TMED5: variants seen among roughly 807,000 people sequenced by gnomAD.
The protein encoded by TMED5 is transmembrane emp24 domain-containing protein 5.
TMED5 carries 27 observed loss-of-function variants against 23.0 expected under a neutral mutation model. The ratio of observed to expected loss-of-function variants is 1.17; its 90% CI spans 0.86 to 1.62. TMED5 has a LOEUF of 1.62. Ranked by LOEUF, TMED5 falls within the 40% of genes most tolerant of loss-of-function variation. TMED5 has a pLI of 0.00. For missense variants in TMED5, 248 were observed against 273.7 expected, an observed-to-expected ratio of 0.91 and a Z score of 0.66; for synonymous variants, 97 against 100.8, an observed-to-expected ratio of 0.96 and a Z score of 0.23.
At chr1:93,178,769 T>G (rs1002430777) in intron 1 of TMED5, among the ~76,000 whole-genome samples, 2 of 152,230 alleles carry the variant, frequency 1.3e-5, no homozygotes, top group Non-Finnish European at 2.9e-5. Context: ...AACTTAATCC[T>G]AAAGTTCCAT....
In TMED5 at chr1:93,158,577, G is replaced by T. The variant is rs1032521522; in HGVS notation, c.287+1552C>A. ...ACTTAAAAGATGAACTACATTTTTA[G>T]TTTTGTTTTTTTTTTTGAGATGGAG... is the stretch of plus-strand genomic sequence containing the variant. On this transcript the variant is annotated intron_variant, in intron 2 of 3. Coordinates refer to ENST00000370282, the MANE Select transcript of TMED5 (RefSeq NM_016040.5). 5.6e-5 allele frequency among the ~76,000 whole-genome samples: 8 copies of T among 143,562 alleles called. No homozygotes were observed. In the South Asian group the frequency reaches 1.6e-3, roughly 28 times the overall value. 94.2% of individuals were successfully genotyped at this position (143,562 alleles called of 152,430 possible).
chr1:93,154,722 T>TG lies in TMED5; in HGVS notation c.637dup (p.Gln213ProfsTer10), dbSNP rs1412613806. 6.2e-7 allele frequency: 1 copy of TG among 1,613,934 alleles called. No homozygotes were observed. Among genetic ancestry groups the TG allele is most frequent in the African/African-American group, 1.3e-5 (1 of 74,926 alleles). The stretch of plus-strand genomic sequence containing the variant: ...AAACAGACTCTTCAGCATATAAACT[T>TG]GAATGGCTGACACCACCACCATGAC... On this transcript the variant is annotated frameshift_variant, in exon 4 of 4. Coordinates refer to ENST00000370282, the MANE Select transcript of TMED5 (RefSeq NM_016040.5). LOFTEE classifies it high-confidence loss of function.
At chr1:93,156,253 G>A (rs577543145) in intron 3 of TMED5, 47 bp downstream of exon 3, 1 of 1,506,466 alleles carries the variant, frequency 6.6e-7, no homozygotes, top group East Asian at 2.3e-5. Context: ...CCATAGTAAG[G>A]CCTCTGGCTG....
In TMED5 at chr1:93,172,674, G is replaced by A. The variant is rs184669255; in HGVS notation, c.189+7380C>T. The stretch of plus-strand genomic sequence containing the variant: ...GTTGGTGGGAATGTAAATTAGTACA[G>A]CCCTATGGAAAACAATATGGTGGTT... On this transcript the variant is annotated intron_variant, in intron 1 of 3. Coordinates refer to ENST00000370282, the MANE Select transcript of TMED5 (RefSeq NM_016040.5). Among the ~76,000 whole-genome samples the A allele has an allele frequency of 4.6e-5, 7 of 152,126 alleles. No individual in the cohort carries two copies. The East Asian group carries it at 1.4e-3, about 29-fold the overall frequency.
intron 1 of TMED5, among the ~76,000 whole-genome samples, chr1:93,171,025 A>G (rs1180907811): frequency 6.6e-6 from 1 of 152,166 alleles, no homozygotes; most frequent in Non-Finnish European, 1.5e-5. Context: ...CCCCTTGTAC[A>G]CTGTGGAAGC....
rs1027810107 is a variant in TMED5 at position 93,149,915 on chromosome 1, T to C, written c.*4755A>G. 2.0e-5 allele frequency: 3 copies of C among 152,120 alleles called. No homozygotes were observed. Among genetic ancestry groups the C allele is most frequent in the Non-Finnish European group, 4.4e-5 (3 of 68,014 alleles). The allele number at this position is 152,120 out of a possible 1,614,324, so 9.4% of individuals were successfully genotyped here. A position where few individuals can be genotyped will look rare whatever the true frequency, so the allele number is the denominator to read the frequency against. Reference sequence around the variant, plus strand: ...GCCTGTAATCTCAGCACTTGGGAAGTTGAGGCGGGCACATCACTTGAGCTT... The same window carrying C: ...GCCTGTAATCTCAGCACTTGGGAAGCTGAGGCGGGCACATCACTTGAGCTT... On this transcript the variant is annotated 3_prime_UTR_variant, in exon 4 of 4. Transcript: ENST00000370282.
At position 93,154,538 on chromosome 1, in the gene TMED5, A is replaced by T. The variant is rs1647985400; in HGVS notation, c.*132T>A. The T allele has an allele frequency of 3.1e-6, 2 of 644,886 alleles. No individual in the cohort carries two copies. The highest frequency in any genetic ancestry group is 1.8e-5 in the African/African-American group (1 of 54,642). 39.9% of individuals were successfully genotyped at this position (644,886 alleles called of 1,614,324 possible). A position where few individuals can be genotyped will look rare whatever the true frequency, so the allele number is the denominator to read the frequency against. On this transcript the variant is annotated 3_prime_UTR_variant, in exon 4 of 4. Coordinates refer to ENST00000370282, the MANE Select transcript of TMED5 (RefSeq NM_016040.5). ...CAGAAAGTGAAGACTTAATTTTCAC[A>T]TTAAAATTATACCTGTTTCCTACTT...
At chr1:93,168,584 C>T (rs1210086847) in intron 1 of TMED5, among the ~76,000 whole-genome samples, 2 of 152,308 alleles carry the variant, frequency 1.3e-5, no homozygotes, top group South Asian at 2.1e-4. Flanking sequence ...GCCTGTAATC[C>T]CAGCACTTTG....
chr1:93,160,135 A>G lies in TMED5; in HGVS notation c.281T>C (p.Val94Ala). ...ACTAAAAGAGATTACTTACGTGTGA[A>G]CTCCATCTGATTTTCTTTGTTCAAA... ...LVFEQRKSDG[V>A]HTVETEVGDY... The change falls in exon 2 of 4, where the codon GTT (valine) becomes GCT (alanine). Residue 94 changes from valine to alanine, a missense_variant. By Grantham distance (64) the Val-to-Ala change is moderately conservative. Coordinates refer to ENST00000370282, the MANE Select transcript of TMED5 (RefSeq NM_016040.5). The G allele has an allele frequency of 6.2e-7, 1 of 1,606,434 alleles. No homozygotes were observed. The highest frequency in any genetic ancestry group is 8.5e-7 in the Non-Finnish European group (1 of 1,173,600).
Position 93,151,052 on chromosome 1 carries a change from C to T in TMED5, c.*3618G>A, listed in dbSNP as rs1647855714. On this transcript the variant is annotated 3_prime_UTR_variant, in exon 4 of 4. Coordinates refer to ENST00000370282, the MANE Select transcript of TMED5 (RefSeq NM_016040.5). ...ATTTTCCCTGCCCTGCATTTTCTTG[C>T]CTTTTTCTTTCAGATGCAGGGATCC... The T allele has an allele frequency of 6.6e-6, 1 of 152,210 alleles. No individual in the cohort carries two copies. Among genetic ancestry groups the T allele is most frequent in the Non-Finnish European group, 1.5e-5 (1 of 68,038 alleles). 9.4% of individuals were successfully genotyped at this position (152,210 alleles called of 1,614,324 possible).
At chr1:93,171,191 C>A (rs1173007075) in intron 1 of TMED5, among the ~76,000 whole-genome samples, 1 of 151,990 alleles carries the variant, frequency 6.6e-6, no homozygotes, top group African/African-American at 2.4e-5. Flanking sequence ...CAACTCCAGA[C>A]ACGCCACCTT....
rs939792083 is a variant in TMED5, at chr1:93,154,537, C to T, written c.*133G>A. The T allele has an allele frequency of 9.4e-6, 6 of 641,424 alleles. No individual in the cohort carries two copies. The Admixed American group carries it at 1.5e-4, about 16-fold the overall frequency. The allele number at this position is 641,424 out of a possible 1,614,324, so 39.7% of individuals were successfully genotyped here. On this transcript the variant is annotated 3_prime_UTR_variant, in exon 4 of 4. Transcript: ENST00000370282. ...ACAGAAAGTGAAGACTTAATTTTCA[C>T]ATTAAAATTATACCTGTTTCCTACT...
chr1:93,167,932 T>A (rs1467007604), intron 1 of TMED5, among the ~76,000 whole-genome samples: 1 of 152,218 alleles, frequency 6.6e-6, no homozygotes, highest in African/African-American at 2.4e-5. Flanking sequence ...GTTTCTTCTA[T>A]ACCCAGTGTT....
At chr1:93,162,869 A>G (rs1648334026) in intron 1 of TMED5, 2 of 152,186 alleles carry the variant, frequency 1.3e-5, no homozygotes, top group African/African-American at 2.4e-5. Context: ...CATGTAGTCA[A>G]TGTTCCCAAG....
At chr1:93,177,520 T>TGACA (rs921685035) in intron 1 of TMED5, among the ~76,000 whole-genome samples, 3 of 127,512 alleles carry the variant, frequency 2.4e-5, no homozygotes, top group African/African-American at 9.3e-5. Flanking sequence ...AAGGTTGCTG[T>TGACA]GGGCCAAGGT....
intron 1 of TMED5, among the ~76,000 whole-genome samples, chr1:93,172,909 T>G (rs1571283109): frequency 6.6e-6 from 1 of 152,334 alleles, no homozygotes; most frequent in East Asian, 1.9e-4. Flanking sequence ...AATGGAATAC[T>G]GGAGGACATT....
intron 2 of TMED5, among the ~76,000 whole-genome samples, chr1:93,158,482 CAAA>C (rs1648151180): frequency 6.6e-6 from 1 of 151,584 alleles, no homozygotes; most frequent in Non-Finnish European, 1.5e-5. Context: ...TTTATTATCT[CAAA>C]AAGGGAGCAA....
chr1:93,174,132 TTTTTG>T (rs1461699615), intron 1 of TMED5, among the ~76,000 whole-genome samples: 1 of 152,024 alleles, frequency 6.6e-6, no homozygotes, highest in Non-Finnish European at 1.5e-5. Flanking sequence ...TAATTTTTGT[TTTTTG>T]TTTTTTCTTT....
In TMED5 at chr1:93,154,409, A is replaced by G. The variant is rs1647981666; in HGVS notation, c.*261T>C. 3 of 423,120 alleles carry G rather than the reference A, an allele frequency of 7.1e-6. No homozygotes were observed. The South Asian group carries it at 1.1e-4, about 16-fold the overall frequency. 26.2% of individuals were successfully genotyped at this position (423,120 alleles called of 1,614,324 possible). Reference sequence around the variant, plus strand: ...GACATTTGCAAAATTTTTCAAAGTTAGGAAAATGCAGTTATTAATATGGCT... The same window carrying G: ...GACATTTGCAAAATTTTTCAAAGTTGGGAAAATGCAGTTATTAATATGGCT... On this transcript the variant is annotated 3_prime_UTR_variant, in exon 4 of 4. Transcript: ENST00000370282.
Sources: gnomAD v4.1 joint callset for allele counts (sites outside exome capture counted in the v4.1 genomes callset) on GRCh38, gnomAD v4.1.1 for gene constraint, MANE v1.5 for transcripts, NCBI Gene and HGNC (gene_info 2026-07-23, HGNC 2026-07-21) for gene names.